The following PHC3 variants were observed in gnomAD, a reference collection of about 807,000 sequenced individuals.
PHC3 encodes the protein polyhomeotic homolog 3.
In PHC3, 13 loss-of-function variants were observed where a neutral mutation model predicts 107.4. The observed-to-expected ratio is 0.12, with a 90% CI of 0.08 to 0.19. The LOEUF (loss-of-function observed/expected upper bound fraction) is 0.19, where lower values mean the gene tolerates loss of function less well. Ranked by LOEUF, PHC3 falls within the 10% of genes least tolerant of loss-of-function variation. The probability of loss-of-function intolerance (pLI) is 1.00; values close to 1 mark genes in which losing one functional copy is unlikely to be tolerated. For missense variants in PHC3, 992 were observed against 1,210.9 expected, an observed-to-expected ratio of 0.82 and a Z score of 2.68; for synonymous variants, 456 against 427.4, an observed-to-expected ratio of 1.07 and a Z score of -0.83.
In PHC3 at chr3:170,135,357, G is replaced by A. The variant is rs567439974; in HGVS notation, c.919+1062C>T. Among the ~76,000 whole-genome samples the A allele has an allele frequency of 2.2e-4, 33 of 151,880 alleles. 1 individual carries two copies. The South Asian group carries it at 6.2e-3, about 29-fold the overall frequency. On this transcript the variant is annotated intron_variant, in intron 7 of 14. Transcript: ENST00000495893. ...GTAGAGATGGGTTTTCACCATGTTGGCCAGGCTGGTCTCAAACTCCTGACC... is the reference window on the plus strand; with the variant it reads ...GTAGAGATGGGTTTTCACCATGTTGACCAGGCTGGTCTCAAACTCCTGACC...
At chr3:170,141,365 T>G (rs1724076689) in intron 6 of PHC3, among the ~76,000 whole-genome samples, 1 of 152,158 alleles carries the variant, frequency 6.6e-6, no homozygotes, top group Non-Finnish European at 1.5e-5. Flanking sequence ...CCCTCAAAAA[T>G]CTATCTTTGA....
chr3:170,158,249 CTTAA>C (rs1205459688), intron 4 of PHC3, among the ~76,000 whole-genome samples: 6 of 152,092 alleles, frequency 3.9e-5, no homozygotes, highest in African/African-American at 9.7e-5. Context: ...GTATGTGATC[CTTAA>C]TTAAATATTC....
At chr3:170,111,217 C>T (rs1244777546) in intron 11 of PHC3, among the ~76,000 whole-genome samples, 1 of 150,454 alleles carries the variant, frequency 6.6e-6, no homozygotes, top group Non-Finnish European at 1.5e-5. Context: ...GAGAGAGGCA[C>T]ACTGACGTAT....
chr3:170,119,655 C>A (rs1432565064), intron 9 of PHC3, among the ~76,000 whole-genome samples: 1 of 152,124 alleles, frequency 6.6e-6, no homozygotes, highest in Non-Finnish European at 1.5e-5. Flanking sequence ...AATTTTGCCA[C>A]AAATCTGTCT....
intron 4 of PHC3, among the ~76,000 whole-genome samples, chr3:170,153,579 C>T (rs1726373574): frequency 1.3e-5 from 2 of 151,916 alleles, no homozygotes; most frequent in Non-Finnish European, 1.5e-5. Flanking sequence ...CTGGATAACA[C>T]GGTGAAACCC....
rs77079886 is a variant in PHC3, at chr3:170,169,068, G to A, written c.414+2305C>T. ...CCTCCTTTGAATGTCATGTTGGTGT[G>A]CAAAAATTTCAGATTTTAGAGCATT... is the stretch of plus-strand genomic sequence containing the variant. On this transcript the variant is annotated intron_variant, in intron 4 of 14. Transcript: ENST00000495893. 9.9e-3 allele frequency among the ~76,000 whole-genome samples: 1,508 copies of A among 151,942 alleles called. 34 individuals are homozygous for A. The highest frequency in any genetic ancestry group is 0.034 in the African/African-American group (1,427 of 41,386).
rs376857126 is a variant in PHC3, at chr3:170,117,295, A to G, written c.2124T>C (p.Ile708=). The change falls in exon 10 of 15, where the codon ATT becomes ATC. Residue 708 remains isoleucine, a synonymous_variant. Coordinates refer to ENST00000495893, the MANE Select transcript of PHC3 (RefSeq NM_024947.4). ...CATGGGTTAGGATCTGTGGTTTAAC[A>G]ATAGCCTGTGGAGGTTTGTTCTCTA... The part of the protein sequence containing the change: ...PSIENKPPQA[I]VKPQILTHVI... 37 of 1,613,872 alleles carry G rather than the reference A, an allele frequency of 2.3e-5. No homozygotes were observed. The highest frequency in any genetic ancestry group is 2.8e-5 in the Non-Finnish European group (33 of 1,179,882).
chr3:170,162,189 C>A (rs1034556277), intron 4 of PHC3, among the ~76,000 whole-genome samples: 4 of 152,190 alleles, frequency 2.6e-5, no homozygotes, highest in African/African-American at 9.6e-5. Flanking sequence ...TCTCTCATCA[C>A]ACCATGAACA....
At chr3:170,135,583 G>A (rs1025882566) in intron 7 of PHC3, among the ~76,000 whole-genome samples, 5 of 151,372 alleles carry the variant, frequency 3.3e-5, no homozygotes, top group Non-Finnish European at 7.4e-5. Flanking sequence ...GAATAAGGGA[G>A]ACCTAATTAT....
intron 1 of PHC3, among the ~76,000 whole-genome samples, 194 bp downstream of exon 1, chr3:170,181,508 G>A (rs1263340427): frequency 6.6e-6 from 1 of 152,166 alleles, no homozygotes. Context: ...CCTGCCTGGA[G>A]GGTAACTGGA....
At chr3:170,102,083 T>C in intron 14 of PHC3, 1 of 931,196 alleles carries the variant, frequency 1.1e-6, no homozygotes, top group African/African-American at 1.8e-5. Flanking sequence ...TCTTACTTCA[T>C]TTTTTAAAAG....
chr3:170,173,028 T>C (rs186141697), intron 2 of PHC3, among the ~76,000 whole-genome samples: 44 of 151,728 alleles, frequency 2.9e-4, no homozygotes, highest in African/African-American at 1.0e-3. Context: ...CCGTCTCTAC[T>C]AAAAACACAA....
chr3:170,129,164 A>C lies in PHC3; in HGVS notation c.1308T>G (p.Pro436=). The change falls in exon 8 of 15, where the codon CCT becomes CCG. Residue 436 remains proline, a synonymous_variant. Coordinates refer to ENST00000495893, the MANE Select transcript of PHC3 (RefSeq NM_024947.4). ...IHPQALIQPH[P]LVSSALQPGP... ...CTGGCTGGAGAGCTGATGACACAAG[A>C]GGGTGTGGCTGAATAAGTGCTTGTG... is the stretch of plus-strand genomic sequence containing the variant. 6.2e-7 allele frequency: 1 copy of C among 1,613,912 alleles called. No homozygotes were observed. Among genetic ancestry groups the C allele is most frequent in the Non-Finnish European group, 8.5e-7 (1 of 1,179,850 alleles).
intron 7 of PHC3, among the ~76,000 whole-genome samples, chr3:170,135,762 CA>C (rs1306599487): frequency 6.6e-6 from 1 of 151,324 alleles, no homozygotes; most frequent in East Asian, 1.9e-4. Flanking sequence ...CAAAAGTAAA[CA>C]AAATTCAATC....
In PHC3 at chr3:170,097,027, A is replaced by T; in HGVS notation, c.*203T>A. 2.3e-6 allele frequency: 1 copy of T among 430,694 alleles called. No individual in the cohort carries two copies. Among genetic ancestry groups the T allele is most frequent in the Non-Finnish European group, 4.0e-6 (1 of 250,644 alleles). The allele number at this position is 430,694 out of a possible 1,614,324, so 26.7% of individuals were successfully genotyped here. On this transcript the variant is annotated 3_prime_UTR_variant, in exon 15 of 15. Coordinates refer to ENST00000495893, the MANE Select transcript of PHC3 (RefSeq NM_024947.4). This position sits in a 1 kb window ranked among gnomAD's most constrained non-coding sequence, Gnocchi z 4.1. ...ATGTTTCATGTAACCTGTAAAATTA[A>T]TTTTACCAATGTTTATTAATTATGA...
At chr3:170,175,637 G>A (rs531450829) in intron 2 of PHC3, among the ~76,000 whole-genome samples, 1,830 of 143,482 alleles carry the variant, frequency 0.013, 39 homozygotes, top group African/African-American at 0.047. Flanking sequence ...AAAAAAAAAA[G>A]GGGGGGGCCA....
chr3:170,119,046 A>G (rs988066890), intron 9 of PHC3, among the ~76,000 whole-genome samples: 7 of 151,340 alleles, frequency 4.6e-5, no homozygotes, highest in African/African-American at 1.7e-4. Context: ...TAAAAAAAAA[A>G]AAAAAAAAAG....
rs1466423227 is a variant in PHC3 at position 170,092,521 on chromosome 3, T to C, written c.*4709A>G. ...CTGCTGTGAACCAAAGAAGCAGAGG[T>C]AGGCTTGTGTTTACTGAAATCCAGA... On this transcript the variant is annotated 3_prime_UTR_variant, in exon 15 of 15. Transcript: ENST00000495893. 1 of 152,204 alleles carries C rather than the reference T, an allele frequency of 6.6e-6. No homozygotes were observed. Among genetic ancestry groups the C allele is most frequent in the Non-Finnish European group, 1.5e-5 (1 of 68,036 alleles). 9.4% of individuals were successfully genotyped at this position (152,204 alleles called of 1,614,324 possible).
chr3:170,160,772 G>A (rs929591404), intron 4 of PHC3, among the ~76,000 whole-genome samples: 1 of 152,076 alleles, frequency 6.6e-6, no homozygotes, highest in African/African-American at 2.4e-5. Context: ...TGGGTGTGGT[G>A]GTGGGTAACC....
Sources: allele counts gnomAD v4.1 joint callset (sites outside exome capture counted in the v4.1 genomes callset), GRCh38; gene constraint gnomAD v4.1.1; non-coding constraint Gnocchi (gnomAD v3.1); transcripts MANE v1.5; gene names NCBI Gene and HGNC (gene_info 2026-07-23, HGNC 2026-07-21).